INVS: variants seen among roughly 807,000 people sequenced by gnomAD.
INVS encodes inversin, also known as inversion of embryo turning homolog.
A neutral mutation model predicts 108.8 loss-of-function variants in INVS; 86 were observed. That is an observed-to-expected ratio of 0.79 (90% CI 0.66 to 0.95). INVS has a LOEUF of 0.95. Among genes scored for constraint, INVS ranks in the 40% least tolerant of loss-of-function variants. The probability of loss-of-function intolerance (pLI) is 0.00; values close to 1 mark genes in which losing one functional copy is unlikely to be tolerated. For synonymous variants in INVS, 455 were observed against 473.5 expected (o/e 0.96, Z 0.51); for missense variants, 1,169 against 1,297.4 (o/e 0.90, Z 1.52).
chr9:100,267,494 G>A (rs990939249), intron 11 of INVS, among the ~76,000 whole-genome samples: 5 of 152,154 alleles, frequency 3.3e-5, no homozygotes, highest in African/African-American at 7.2e-5. Flanking sequence ...CTTGTCTGTT[G>A]TCTATATCCA....
chr9:100,209,865 G>A (rs972411667), intron 3 of INVS, among the ~76,000 whole-genome samples: 4 of 151,354 alleles, frequency 2.6e-5, no homozygotes, highest in East Asian at 1.9e-4. Context: ...TTTCGTCATC[G>A]AGTTCTTGCT....
chr9:100,107,217 A>G (rs1048310894), intron 2 of INVS, among the ~76,000 whole-genome samples: 2 of 152,152 alleles, frequency 1.3e-5, no homozygotes, highest in African/African-American at 4.8e-5. Context: ...AGAAGCCCCT[A>G]ATGCATCCTT....
intron 8 of INVS, among the ~76,000 whole-genome samples, chr9:100,247,721 AT>A (rs1173361094): frequency 2.0e-5 from 3 of 152,182 alleles, no homozygotes; most frequent in Non-Finnish European, 4.4e-5. Context: ...TCAAAAAAAA[AT>A]ATTTTAAGAA....
chr9:100,238,030 C>T (rs987705426), intron 5 of INVS, among the ~76,000 whole-genome samples: 4 of 152,028 alleles, frequency 2.6e-5, no homozygotes, highest in African/African-American at 9.7e-5. Flanking sequence ...AGGCACATGC[C>T]ACCACGCACA....
intron 1 of INVS, among the ~76,000 whole-genome samples, chr9:100,100,983 A>T (rs1265207672): frequency 1.6e-4 from 12 of 72,752 alleles, no homozygotes; most frequent in South Asian, 3.1e-4. Context: ...TTATATATAT[A>T]ATATATATGT....
At chr9:100,237,648 C>A (rs528487694) in intron 5 of INVS, among the ~76,000 whole-genome samples, 20 of 152,272 alleles carry the variant, frequency 1.3e-4, no homozygotes, top group African/African-American at 4.6e-4. Context: ...TGAGGCGATG[C>A]CCTACCCTGC....
chr9:100,246,211 GGAGAA>G (rs1417585099), intron 7 of INVS, among the ~76,000 whole-genome samples: 1 of 151,614 alleles, frequency 6.6e-6, no homozygotes, highest in Non-Finnish European at 1.5e-5. Context: ...GAAAAAGGAT[GGAGAA>G]GAGAAGAGAA....
chr9:100,235,481 A>G (rs992517905), intron 5 of INVS, among the ~76,000 whole-genome samples: 4 of 152,108 alleles, frequency 2.6e-5, no homozygotes, highest in African/African-American at 4.8e-5. Context: ...ATATATTGGT[A>G]TCTCTTTGCA....
At chr9:100,100,604 A>T (rs569706638) in intron 1 of INVS, among the ~76,000 whole-genome samples, 14 of 90,786 alleles carry the variant, frequency 1.5e-4, no homozygotes, top group African/African-American at 5.3e-4. Context: ...ATGTACATAT[A>T]ATATATATAA....
At chr9:100,116,345 G>A (rs1022585794) in intron 2 of INVS, among the ~76,000 whole-genome samples, 7 of 152,140 alleles carry the variant, frequency 4.6e-5, no homozygotes, top group African/African-American at 1.4e-4. Flanking sequence ...CTAGACTCAA[G>A]CAATCTACCT....
intron 3 of INVS, among the ~76,000 whole-genome samples, chr9:100,216,796 GC>G (rs1298422212): frequency 6.6e-6 from 1 of 152,124 alleles, no homozygotes; most frequent in East Asian, 1.9e-4. Context: ...TCTTTTGCCT[GC>G]CCAGAGGAAG....
intron 3 of INVS, among the ~76,000 whole-genome samples, chr9:100,197,842 C>G (rs2118206665): frequency 6.6e-6 from 1 of 152,172 alleles, no homozygotes; most frequent in South Asian, 2.1e-4. Context: ...TCTTTATGGC[C>G]AGAGGCAGAG....
chr9:100,149,852 A>T (rs900190516), intron 3 of INVS, among the ~76,000 whole-genome samples: 17 of 152,168 alleles, frequency 1.1e-4, no homozygotes, highest in African/African-American at 3.6e-4. Context: ...GTTGTATATT[A>T]TGTGTTTTCT....
At chr9:100,114,377 A>G (rs1355549028) in intron 2 of INVS, among the ~76,000 whole-genome samples, 2 of 131,856 alleles carry the variant, frequency 1.5e-5, no homozygotes, top group Non-Finnish European at 3.2e-5. Flanking sequence ...ATGCCCTTTG[A>G]GGCAGATTTC....
At chr9:100,186,324 T>G (rs1830055161) in intron 3 of INVS, among the ~76,000 whole-genome samples, 1 of 152,072 alleles carries the variant, frequency 6.6e-6, no homozygotes, top group South Asian at 2.1e-4. Flanking sequence ...TAATTTTTTT[T>G]GTATTTTTAG....
At chr9:100,298,052 G>C in intron 16 of INVS, 42 bp downstream of exon 16, 1 of 1,613,912 alleles carries the variant, frequency 6.2e-7, no homozygotes. Context: ...GAAGAACATG[G>C]GGAAGCATTT....
At chr9:100,185,516 AATATATATATATATATATATATATATAT>A (rs35603398) in intron 3 of INVS, among the ~76,000 whole-genome samples, 8 of 110,854 alleles carry the variant, frequency 7.2e-5, no homozygotes, top group East Asian at 8.4e-4. Context: ...TATGCATAGA[AATATATATATATATATATATATATATAT>A]ATATATATAT....
chr9:100,253,215 C>T, intron 10 of INVS, 79 bp downstream of exon 10: 1 of 1,087,404 alleles, frequency 9.2e-7, no homozygotes, highest in Non-Finnish European at 1.4e-6. Flanking sequence ...ATAAGTAAAA[C>T]AACAGTTTAC....
chr9:100,108,868 C>CA (rs1202227864), intron 2 of INVS, among the ~76,000 whole-genome samples: 1 of 152,180 alleles, frequency 6.6e-6, no homozygotes, highest in Non-Finnish European at 1.5e-5. Context: ...ATTTCAGTAG[C>CA]AATTCTTAGT....
Sources: allele counts gnomAD v4.1 joint callset (sites outside exome capture counted in the v4.1 genomes callset), GRCh38; gene constraint gnomAD v4.1.1; transcripts MANE v1.5; gene names NCBI Gene and HGNC (gene_info 2026-07-23, HGNC 2026-07-21).